Variants in ZNF567 observed in about 807,000 individuals in gnomAD.
The protein encoded by ZNF567 is zinc finger protein 567.
A neutral mutation model predicts 53.9 loss-of-function variants in ZNF567; 36 were observed. That is an observed-to-expected ratio of 0.67 (90% CI 0.51 to 0.88). The LOEUF is 0.88. Ranked by LOEUF, ZNF567 falls within the 40% of genes least tolerant of loss-of-function variation. ZNF567 has a pLI of 0.00. For missense variants in ZNF567, 619 were observed against 764.7 expected (o/e 0.81, Z 2.25); for synonymous variants, 224 against 260.4 (o/e 0.86, Z 1.35).
upstream of ZNF567, among the ~76,000 whole-genome samples, chr19:36,683,890 C>T (rs754573826): frequency 1.3e-5 from 2 of 151,802 alleles, no homozygotes; most frequent in African/African-American, 4.8e-5. Context: ...CATATAGTAG[C>T]GAATAGACAT....
At chr19:36,703,268 C>G (rs2039306998) in intron 3 of ZNF567, among the ~76,000 whole-genome samples, 2 of 152,124 alleles carry the variant, frequency 1.3e-5, no homozygotes, top group African/African-American at 4.8e-5. Flanking sequence ...ATGCTGCTGT[C>G]TGATCGGTCC....
chr19:36,721,357 G>T (rs2040295120), downstream of ZNF567: 1 of 152,144 alleles, frequency 6.6e-6, no homozygotes, highest in African/African-American at 2.4e-5. Flanking sequence ...GTGTTTGCGT[G>T]TATGTATTTC....
At chr19:36,688,894 A>C (rs1189958117) in intron 1 of ZNF567, among the ~76,000 whole-genome samples, 1 of 150,900 alleles carries the variant, frequency 6.6e-6, no homozygotes, top group African/African-American at 2.4e-5. Flanking sequence ...AGATCACCTG[A>C]GGTCAGGAGT....
upstream of ZNF567, chr19:36,686,460 T>A (rs1177267258): frequency 6.6e-6 from 1 of 152,196 alleles, no homozygotes; most frequent in Non-Finnish European, 1.5e-5. Context: ...GGAGTACTGC[T>A]AACCCTTCTT....
At chr19:36,710,956 C>T (rs931266601) in intron 3 of ZNF567, among the ~76,000 whole-genome samples, 47 of 152,166 alleles carry the variant, frequency 3.1e-4, no homozygotes, top group African/African-American at 1.0e-3. Context: ...ATCTCTCCAA[C>T]ACATGCATAT....
the ZNF567 span, among the ~76,000 whole-genome samples, chr19:36,679,784 T>G: frequency 6.6e-6 from 1 of 151,846 alleles, no homozygotes; most frequent in African/African-American, 2.4e-5. Flanking sequence ...GTTGAACTCT[T>G]AGAAGTAGAG....
chr19:36,680,719 A>C, the ZNF567 span, among the ~76,000 whole-genome samples: 18 of 152,274 alleles, frequency 1.2e-4, no homozygotes, highest in Non-Finnish European at 2.5e-4. Flanking sequence ...ATTCTAGGGG[A>C]GAAGCCTCAC....
At chr19:36,695,713 G>A (rs1225405227) in intron 3 of ZNF567, among the ~76,000 whole-genome samples, 1 of 149,658 alleles carries the variant, frequency 6.7e-6, no homozygotes, top group Non-Finnish European at 1.5e-5. Context: ...AAAAAAAATA[G>A]TGGATATATC....
chr19:36,686,475 T>G (rs965766118), upstream of ZNF567: 3 of 152,046 alleles, frequency 2.0e-5, no homozygotes, highest in African/African-American at 7.2e-5. Context: ...CTTCTTAGTA[T>G]TCAAGGGAAA....
At chr19:36,687,842 G>A (rs913325341) in intron 1 of ZNF567, among the ~76,000 whole-genome samples, 3 of 152,226 alleles carry the variant, frequency 2.0e-5, no homozygotes, top group African/African-American at 7.2e-5. Context: ...GGGCCCGGGA[G>A]CACCTGAAGA....
Position 36,719,473 on chromosome 19 carries a change from A to G in ZNF567, c.749A>G (p.Glu250Gly), listed in dbSNP as rs747247305. 1 of 1,610,216 alleles carries G rather than the reference A, an allele frequency of 6.2e-7. No individual in the cohort carries two copies. Among genetic ancestry groups the G allele is most frequent in the Non-Finnish European group, 8.5e-7 (1 of 1,179,010 alleles). The change falls in exon 6 of 6, where the codon GAA becomes GGA. Residue 250 changes from glutamate to glycine, a missense_variant. Physicochemically the swap from Glu to Gly is moderately conservative, Grantham distance 98. Transcript: ENST00000682579. ...AAAAAAAGAAGAGCAACCAATATTGAAAAAAAACATACATGCAATGAATGT... is the reference window on the plus strand; with the variant it reads ...AAAAAAAGAAGAGCAACCAATATTGGAAAAAAACATACATGCAATGAATGT... ...YNKKRRATNI[E>G]KKHTCNECGK...
At chr19:36,698,745 A>G (rs1159870812) in intron 3 of ZNF567, among the ~76,000 whole-genome samples, 2 of 151,926 alleles carry the variant, frequency 1.3e-5, no homozygotes, top group Non-Finnish European at 2.9e-5. Flanking sequence ...GTCTGTTCAT[A>G]TCGTTTGCCC....
chr19:36,676,368 CTT>C, the ZNF567 span, among the ~76,000 whole-genome samples: 45 of 145,486 alleles, frequency 3.1e-4, no homozygotes, highest in Middle Eastern at 3.5e-3. Context: ...ACCCAACCAA[CTT>C]TTTTTTTTTT....
In ZNF567 at chr19:36,713,059, A is replaced by G. The variant is rs2039870235; in HGVS notation, c.223+192A>G. Among the ~76,000 whole-genome samples the G allele has an allele frequency of 2.0e-5, 3 of 152,202 alleles. No individual in the cohort carries two copies. In the South Asian group the frequency reaches 6.2e-4, roughly 32 times the overall value. On this transcript the variant is annotated intron_variant, in intron 5 of 5. Transcript: ENST00000682579. ...TATGGTGGCTCATGCCTATAATCTG[A>G]CACTTTGGGAGGCCAAGGTGAGAGG...
intron 5 of ZNF567, among the ~76,000 whole-genome samples, chr19:36,715,572 C>T (rs2040024969): frequency 6.8e-6 from 1 of 148,024 alleles, no homozygotes; most frequent in Non-Finnish European, 1.5e-5. Flanking sequence ...TCTTGTTGCC[C>T]AGGCTGGAGT....
At chr19:36,697,558 G>A (rs1158470333) in intron 3 of ZNF567, among the ~76,000 whole-genome samples, 1 of 151,826 alleles carries the variant, frequency 6.6e-6, no homozygotes, top group Non-Finnish European at 1.5e-5. Flanking sequence ...TTAGGCAAAA[G>A]GCATTGTTTT....
At chr19:36,690,978 G>A (rs2038575760) in intron 2 of ZNF567, among the ~76,000 whole-genome samples, 1 of 152,186 alleles carries the variant, frequency 6.6e-6, no homozygotes, top group African/African-American at 2.4e-5. Flanking sequence ...CTACATCACA[G>A]GGAATTATTT....
At chr19:36,706,913 C>T (rs2039526980) in intron 3 of ZNF567, among the ~76,000 whole-genome samples, 1 of 152,018 alleles carries the variant, frequency 6.6e-6, no homozygotes, top group Non-Finnish European at 1.5e-5. Flanking sequence ...GCCTGGCCTC[C>T]CAAAGTGCTG....
downstream of ZNF567, among the ~76,000 whole-genome samples, chr19:36,724,643 CTG>C (rs1208528960): frequency 6.8e-6 from 1 of 148,120 alleles, no homozygotes; most frequent in Non-Finnish European, 1.5e-5. Flanking sequence ...GATCACGCCA[CTG>C]CACTCCAGCC....
Sources: gnomAD v4.1 joint callset for allele counts (sites outside exome capture counted in the v4.1 genomes callset) on GRCh38, gnomAD v4.1.1 for gene constraint, MANE v1.5 for transcripts, NCBI Gene and HGNC (gene_info 2026-07-23, HGNC 2026-07-21) for gene names.